The following OR56A3 variants were observed in gnomAD, a reference collection of about 807,000 sequenced individuals.
OR56A3 encodes olfactory receptor 56A3.
In OR56A3, 23 loss-of-function variants were observed where a neutral mutation model predicts 17.5. The ratio of observed to expected loss-of-function variants is 1.32; its 90% CI spans 0.95 to 1.87. OR56A3 has a LOEUF of 1.87. Among genes scored for constraint, OR56A3 ranks in the 40% most tolerant of loss-of-function variants. OR56A3 has a pLI of 0.00. For missense variants in OR56A3, 366 were observed against 380.1 expected, an observed-to-expected ratio of 0.96 and a Z score of 0.31; for synonymous variants, 175 against 150.6, an observed-to-expected ratio of 1.16 and a Z score of -1.19.
chr11:5,967,821 A>C, the OR56A3 span: 1 of 1,566,314 alleles, frequency 6.4e-7, no homozygotes. Flanking sequence ...CACAGTTTTC[A>C]AGATAAAAAA....
At chr11:6,000,402 G>T in the OR56A3 span, 2 of 152,172 alleles carry the variant, frequency 1.3e-5, no homozygotes, top group African/African-American at 4.8e-5. Flanking sequence ...TCATAGGTGG[G>T]AGTTGAACAA....
At chr11:5,945,538 C>T (rs563212177) in intron 2 of OR56A3, among the ~76,000 whole-genome samples, 162 of 145,116 alleles carry the variant, frequency 1.1e-3, no homozygotes, top group Non-Finnish European at 1.7e-3. Flanking sequence ...GCAGAGATCA[C>T]GCCATTGCAC....
At chr11:5,971,882 A>C in the OR56A3 span, among the ~76,000 whole-genome samples, 1 of 152,258 alleles carries the variant, frequency 6.6e-6, no homozygotes, top group East Asian at 1.9e-4. Flanking sequence ...CTAAAAGCTC[A>C]TTACAAGAAG....
chr11:5,971,867 A>C, the OR56A3 span, among the ~76,000 whole-genome samples: 4 of 152,360 alleles, frequency 2.6e-5, no homozygotes, highest in Middle Eastern at 0.01. Context: ...AGGATAAAGA[A>C]GATACTAAAA....
At chr11:5,986,548 A>G in the OR56A3 span, 5 of 1,613,982 alleles carry the variant, frequency 3.1e-6, no homozygotes, top group Non-Finnish European at 3.4e-6. Flanking sequence ...CCCTGACTCC[A>G]TGGAGGAGAA....
At chr11:6,020,654 A>C in the OR56A3 span, 1 of 152,000 alleles carries the variant, frequency 6.6e-6, no homozygotes, top group Non-Finnish European at 1.5e-5. Context: ...TTTGTACATT[A>C]ATTTTGTATC....
In OR56A3 at chr11:5,950,226, T is replaced by C. The variant is rs1006784273; in HGVS notation, c.*1932T>C. ...TATTTTCAAGATCACATCGTTTGTA[T>C]GACAAATCCAGATGTCTACAGTAAG... On this transcript the variant is annotated 3_prime_UTR_variant, in exon 3 of 3. Coordinates refer to ENST00000641160, the MANE Select transcript of OR56A3 (RefSeq NM_001003443.3). 1 of 152,174 alleles carries C rather than the reference T, an allele frequency of 6.6e-6. No individual in the cohort carries two copies. Among genetic ancestry groups the C allele is most frequent in the African/African-American group, 2.4e-5 (1 of 41,460 alleles). The allele number at this position is 152,174 out of a possible 1,614,324, so 9.4% of individuals were successfully genotyped here.
At chr11:5,992,514 C>T in the OR56A3 span, among the ~76,000 whole-genome samples, 1 of 152,316 alleles carries the variant, frequency 6.6e-6, no homozygotes, top group African/African-American at 2.4e-5. Flanking sequence ...TCTCAATAAA[C>T]TTCCGGCATG....
chr11:5,955,121 A>G (rs1452369154), downstream of OR56A3, among the ~76,000 whole-genome samples: 1 of 152,236 alleles, frequency 6.6e-6, no homozygotes, highest in African/African-American at 2.4e-5. Context: ...ATCTTGGAAC[A>G]GTCATAGTGG....
At chr11:6,015,223 C>T in the OR56A3 span, among the ~76,000 whole-genome samples, 1 of 152,172 alleles carries the variant, frequency 6.6e-6, no homozygotes, top group Admixed American at 6.5e-5. Flanking sequence ...CAGAGACCTT[C>T]ACAGTAGCCC....
At chr11:5,986,902 A>T in the OR56A3 span, 4 of 1,613,042 alleles carry the variant, frequency 2.5e-6, no homozygotes, top group Non-Finnish European at 3.4e-6. Context: ...TGGCTTGGAG[A>T]GGAAAGAGAA....
the OR56A3 span, among the ~76,000 whole-genome samples, chr11:6,013,340 C>T: frequency 3.3e-5 from 5 of 152,202 alleles, no homozygotes; most frequent in Admixed American, 6.5e-5. Flanking sequence ...CAAGGGCAGC[C>T]CAGAACTCCC....
At chr11:5,985,072 A>C in the OR56A3 span, among the ~76,000 whole-genome samples, 1 of 152,266 alleles carries the variant, frequency 6.6e-6, no homozygotes, top group South Asian at 2.1e-4. Flanking sequence ...CAAAAGAGAA[A>C]CCCATTTTTA....
At chr11:5,963,788 C>T in the OR56A3 span, among the ~76,000 whole-genome samples, 2 of 152,014 alleles carry the variant, frequency 1.3e-5, no homozygotes, top group Non-Finnish European at 2.9e-5. Context: ...AATATTTCTA[C>T]CCTTTTATCT....
At chr11:6,001,878 CA>C in the OR56A3 span, 1 of 603,002 alleles carries the variant, frequency 1.7e-6, no homozygotes, top group Non-Finnish European at 2.6e-6. Context: ...CAACAGAAAA[CA>C]AAGATTCACA....
the OR56A3 span, among the ~76,000 whole-genome samples, chr11:5,962,914 A>C: frequency 1.3e-5 from 2 of 151,980 alleles, no homozygotes; most frequent in African/African-American, 2.4e-5. Context: ...CTATTTCTTC[A>C]TAGGTTCCTG....
the OR56A3 span, among the ~76,000 whole-genome samples, chr11:6,011,765 G>T: frequency 6.6e-6 from 1 of 152,220 alleles, no homozygotes; most frequent in South Asian, 2.1e-4. Context: ...GGAGACTGGA[G>T]TCAGGCACAG....
At chr11:6,015,635 C>G in the OR56A3 span, among the ~76,000 whole-genome samples, 1 of 152,244 alleles carries the variant, frequency 6.6e-6, no homozygotes, top group African/African-American at 2.4e-5. Context: ...CCACCTCTTG[C>G]ATCAGTGTGC....
At chr11:5,961,433 G>C in the OR56A3 span, among the ~76,000 whole-genome samples, 3 of 152,202 alleles carry the variant, frequency 2.0e-5, no homozygotes, top group Non-Finnish European at 2.9e-5. Context: ...GGATGCTGTT[G>C]ATCTATGACC....
Sources: gnomAD v4.1 joint callset for allele counts (sites outside exome capture counted in the v4.1 genomes callset) on GRCh38, gnomAD v4.1.1 for gene constraint, MANE v1.5 for transcripts, NCBI Gene and HGNC (gene_info 2026-07-23, HGNC 2026-07-21) for gene names.